RBMS3: variants seen among roughly 807,000 people sequenced by gnomAD.
The protein encoded by RBMS3 is RNA-binding motif, single-stranded-interacting protein 3.
In RBMS3, 27 loss-of-function variants were observed where a neutral mutation model predicts 66.8. The ratio of observed to expected loss-of-function variants is 0.40; its 90% CI spans 0.30 to 0.56. The LOEUF is 0.56. Among genes scored for constraint, RBMS3 ranks in the 20% least tolerant of loss-of-function variants. The probability of loss-of-function intolerance (pLI) is 0.40; values close to 1 mark genes in which losing one functional copy is unlikely to be tolerated. For missense variants in RBMS3, 513 were observed against 549.5 expected (o/e 0.93, Z 0.66); for synonymous variants, 188 against 183.0 (o/e 1.03, Z -0.22).
At chr3:29,366,778 T>A (rs2037932758) in intron 1 of RBMS3, among the ~76,000 whole-genome samples, 1 of 152,190 alleles carries the variant, frequency 6.6e-6, no homozygotes, top group Admixed American at 6.5e-5. Flanking sequence ...CAAATAAAAT[T>A]AGATTAATCT....
chr3:29,461,920 A>ATTTTTTTTTTTTTTTTTTT (rs61115023), intron 2 of RBMS3, among the ~76,000 whole-genome samples: 1 of 93,300 alleles, frequency 1.1e-5, no homozygotes, highest in Non-Finnish European at 2.0e-5. Flanking sequence ...TGCCCGGCTA[A>ATTTTTTTTTTTTTTTTTTT]TTTTTTTTTT....
chr3:29,752,771 CACAAAAACATG>C (rs773044172), intron 5 of RBMS3, among the ~76,000 whole-genome samples: 52 of 152,220 alleles, frequency 3.4e-4, no homozygotes, highest in Middle Eastern at 3.4e-3. Flanking sequence ...AATTTACAAT[CACAAAAACATG>C]ACTCTTAGGT....
intron 12 of RBMS3, among the ~76,000 whole-genome samples, chr3:29,972,669 G>A (rs2149762985): frequency 6.6e-6 from 1 of 152,152 alleles, no homozygotes; most frequent in Non-Finnish European, 1.5e-5. Context: ...TTGTTTAGTT[G>A]CATCATTTAC....
intron 4 of RBMS3, among the ~76,000 whole-genome samples, chr3:29,642,324 A>G (rs965402413): frequency 9.9e-5 from 15 of 152,096 alleles, no homozygotes; most frequent in Non-Finnish European, 2.9e-5. Flanking sequence ...GCATTTTGCC[A>G]TACCTGCCTG....
At chr3:29,528,178 T>C (rs1324840876) in intron 3 of RBMS3, among the ~76,000 whole-genome samples, 1 of 148,902 alleles carries the variant, frequency 6.7e-6, no homozygotes, top group Non-Finnish European at 1.5e-5. Flanking sequence ...AATGGCATGA[T>C]CTAGGCTCAC....
intron 4 of RBMS3, among the ~76,000 whole-genome samples, chr3:29,647,345 T>A (rs574608202): frequency 6.6e-6 from 1 of 152,224 alleles, no homozygotes; most frequent in Non-Finnish European, 1.5e-5. Context: ...TGCCAGGAAG[T>A]GTCTTAACAC....
At chr3:29,882,242 C>A (rs141196712) in intron 7 of RBMS3, among the ~76,000 whole-genome samples, 220 of 152,222 alleles carry the variant, frequency 1.4e-3, no homozygotes, top group Middle Eastern at 0.014. Context: ...TGTGGCAGAG[C>A]CTTCATCCTG....
At chr3:29,320,936 T>TA (rs527826804) in intron 1 of RBMS3, among the ~76,000 whole-genome samples, 19,516 of 144,502 alleles carry the variant, frequency 0.14, 1,298 homozygotes, top group Middle Eastern at 0.18. Flanking sequence ...TTTGTGAATG[T>TA]AAAAAAAAAA....
chr3:29,437,011 C>T (rs1389212189), intron 2 of RBMS3, among the ~76,000 whole-genome samples: 1 of 152,180 alleles, frequency 6.6e-6, no homozygotes. Context: ...CCCTCTAAGC[C>T]TCAGTTTCCT....
At chr3:29,795,033 C>T (rs2057136640) in intron 6 of RBMS3, among the ~76,000 whole-genome samples, 2 of 152,114 alleles carry the variant, frequency 1.3e-5, no homozygotes. Context: ...TTTGTTATTA[C>T]CAGACCCCAT....
At position 29,759,812 on chromosome 3, in the gene RBMS3, A is replaced by G. The variant is rs529371382; in HGVS notation, c.558-3098A>G. On this transcript the variant is annotated intron_variant, in intron 5 of 14. Transcript: ENST00000383767. ...GCCTTTTCCCCTTGGCAGCTCCTAT[A>G]TTGCCATCTTTGCTGGGACTGCTTT... Among the ~76,000 whole-genome samples, 10 of 152,040 alleles carry G rather than the reference A, an allele frequency of 6.6e-5. No individual in the cohort carries two copies. The South Asian group carries it at 1.9e-3, about 28-fold the overall frequency.
chr3:29,780,784 T>G (rs1267114671), intron 6 of RBMS3, among the ~76,000 whole-genome samples: 1 of 152,166 alleles, frequency 6.6e-6, no homozygotes, highest in Non-Finnish European at 1.5e-5. Flanking sequence ...TAATACATCT[T>G]ATCTCACAGA....
chr3:29,917,421 A>G (rs1222551376), intron 10 of RBMS3, among the ~76,000 whole-genome samples: 1 of 152,092 alleles, frequency 6.6e-6, no homozygotes, highest in Non-Finnish European at 1.5e-5. Context: ...AGAACCCACT[A>G]TGTACCAGAT....
At chr3:29,741,474 A>G (rs2054644423) in intron 5 of RBMS3, among the ~76,000 whole-genome samples, 1 of 152,220 alleles carries the variant, frequency 6.6e-6, no homozygotes, top group Non-Finnish European at 1.5e-5. Context: ...GTCATGTTTT[A>G]CTTTACATAC....
At chr3:29,857,782 C>T (rs60639646) in intron 6 of RBMS3, among the ~76,000 whole-genome samples, 22,151 of 151,866 alleles carry the variant, frequency 0.15, 2,032 homozygotes, top group African/African-American at 0.26. Flanking sequence ...AGATCGGGCG[C>T]GTTCAGGGTG....
chr3:29,994,727 GA>G (rs2125384299), intron 14 of RBMS3, among the ~76,000 whole-genome samples: 1 of 152,300 alleles, frequency 6.6e-6, no homozygotes, highest in Non-Finnish European at 1.5e-5. Context: ...CTGTTAGAAG[GA>G]AAACTAACAA....
chr3:29,553,217 T>A (rs1056154776), intron 3 of RBMS3, among the ~76,000 whole-genome samples: 1 of 152,120 alleles, frequency 6.6e-6, no homozygotes, highest in African/African-American at 2.4e-5. Flanking sequence ...ACTTTTTAGG[T>A]TTTAGGCAGA....
At chr3:29,476,984 A>T (rs541147253) in intron 2 of RBMS3, among the ~76,000 whole-genome samples, 3 of 152,210 alleles carry the variant, frequency 2.0e-5, no homozygotes, top group African/African-American at 7.2e-5. Context: ...AGTTATTTGT[A>T]TTAGGTACTT....
At chr3:29,358,888 A>T (rs958486666) in intron 1 of RBMS3, among the ~76,000 whole-genome samples, 2 of 152,170 alleles carry the variant, frequency 1.3e-5, no homozygotes, top group African/African-American at 4.8e-5. Flanking sequence ...ATTTTTGCAC[A>T]TTGATTTTGT....
Sources: gnomAD v4.1 joint callset for allele counts (sites outside exome capture counted in the v4.1 genomes callset) on GRCh38, gnomAD v4.1.1 for gene constraint, MANE v1.5 for transcripts, NCBI Gene and HGNC (gene_info 2026-07-23, HGNC 2026-07-21) for gene names.